The following WAC variants were observed in gnomAD, a reference collection of about 807,000 sequenced individuals.
WAC encodes WW domain containing adaptor with coiled-coil, also known as WW domain-containing adapter protein with coiled-coil.
In WAC, 11 loss-of-function variants were observed where a neutral mutation model predicts 79.6. That is an observed-to-expected ratio of 0.14 (90% CI 0.09 to 0.23). WAC has a LOEUF of 0.23. Ranked by LOEUF, WAC falls within the 10% of genes least tolerant of loss-of-function variation. WAC has a pLI of 1.00. For synonymous variants in WAC, 304 were observed against 276.9 expected, an observed-to-expected ratio of 1.10 and a Z score of -0.97; for missense variants, 728 against 773.5, an observed-to-expected ratio of 0.94 and a Z score of 0.70.
At chr10:28,593,450 T>A (rs921434795) in intron 6 of WAC, among the ~76,000 whole-genome samples, 8 of 152,234 alleles carry the variant, frequency 5.3e-5, no homozygotes, top group African/African-American at 1.9e-4. Flanking sequence ...TTGCAATATA[T>A]TAAGTGTTTG....
intron 3 of WAC, among the ~76,000 whole-genome samples, chr10:28,551,341 A>G (rs1173893499): frequency 2.6e-5 from 4 of 152,050 alleles, no homozygotes; most frequent in African/African-American, 7.2e-5. Flanking sequence ...TGTATCAGGG[A>G]AAAAAAAGAA....
intron 3 of WAC, among the ~76,000 whole-genome samples, chr10:28,578,993 A>G (rs557482502): frequency 2.6e-5 from 4 of 152,230 alleles, no homozygotes; most frequent in South Asian, 2.1e-4. Flanking sequence ...TAGAGCCCCT[A>G]TATCTGTCCT....
chr10:28,584,579 A>G (rs1564401295), intron 4 of WAC, among the ~76,000 whole-genome samples: 1 of 152,172 alleles, frequency 6.6e-6, no homozygotes, highest in East Asian at 1.9e-4. Flanking sequence ...AAATATAGGA[A>G]AGAATGAACA....
At chr10:28,611,162 C>G in intron 9 of WAC, 1 of 821,630 alleles carries the variant, frequency 1.2e-6, no homozygotes, top group Non-Finnish European at 1.7e-6. Context: ...TGAAACATTG[C>G]ATGTATTTGA....
intron 9 of WAC, 191 bp from the exon 10 acceptor site, chr10:28,611,583 C>A: frequency 2.4e-6 from 3 of 1,251,908 alleles, no homozygotes; most frequent in Non-Finnish European, 3.2e-6. Context: ...TCTGAACACA[C>A]AGCTCACTTA....
intron 3 of WAC, among the ~76,000 whole-genome samples, chr10:28,560,017 G>T (rs913155455): frequency 2.0e-5 from 3 of 152,118 alleles, no homozygotes; most frequent in Non-Finnish European, 4.4e-5. Flanking sequence ...AATTTTGAAA[G>T]AATCAACTGA....
At chr10:28,602,507 A>G (rs115061170) in intron 7 of WAC, among the ~76,000 whole-genome samples, 2,913 of 152,270 alleles carry the variant, frequency 0.019, 102 homozygotes, top group African/African-American at 0.067. Context: ...CACTATTACA[A>G]AATAGATAAA....
intron 7 of WAC, among the ~76,000 whole-genome samples, chr10:28,605,211 T>C (rs978189399): frequency 6.6e-6 from 1 of 152,236 alleles, no homozygotes; most frequent in Non-Finnish European, 1.5e-5. Flanking sequence ...AATTTTGCTT[T>C]ATGTTTTTCT....
intron 3 of WAC, chr10:28,535,981 G>C (rs1836644594): frequency 3.0e-6 from 1 of 330,150 alleles, no homozygotes; most frequent in South Asian, 6.2e-5. Flanking sequence ...GGTGGCTCAC[G>C]CCTGTAATCT....
intron 10 of WAC, 39 bp from the exon 11 acceptor site, chr10:28,614,528 T>C (rs749333389): frequency 1.3e-5 from 20 of 1,499,514 alleles, no homozygotes; most frequent in Non-Finnish European, 6.5e-6. Flanking sequence ...AGATGTGGAT[T>C]AGATTTGGAG....
At chr10:28,599,084 CAT>C (rs1234474057) in intron 7 of WAC, among the ~76,000 whole-genome samples, 2 of 141,972 alleles carry the variant, frequency 1.4e-5, no homozygotes, top group Non-Finnish European at 3.2e-5. Context: ...GTCCATTTGA[CAT>C]ATTTTTTTTC....
rs1841665457 is a variant in WAC at position 28,620,980 on chromosome 10, C to G, written c.*1374C>G. ...AAGTATATTAAAATAAAAAAAGAAA[C>G]TATTGCTACTATAAAATTACCTTGA... is the stretch of plus-strand genomic sequence containing the variant. On this transcript the variant is annotated 3_prime_UTR_variant, in exon 14 of 14. Coordinates refer to ENST00000354911, the MANE Select transcript of WAC (RefSeq NM_016628.5). 6.6e-6 allele frequency: 1 copy of G among 152,052 alleles called. No homozygotes were observed. Among genetic ancestry groups the G allele is most frequent in the Non-Finnish European group, 1.5e-5 (1 of 68,014 alleles). The allele number at this position is 152,052 out of a possible 1,614,324, so 9.4% of individuals were successfully genotyped here. A position where few individuals can be genotyped will look rare whatever the true frequency, so the allele number is the denominator to read the frequency against.
intron 6 of WAC, among the ~76,000 whole-genome samples, chr10:28,593,490 A>G (rs985880731): frequency 3.9e-5 from 6 of 152,160 alleles, no homozygotes; most frequent in Non-Finnish European, 7.4e-5. Flanking sequence ...AACAAAGGCC[A>G]GGCACGGTGG....
intron 7 of WAC, among the ~76,000 whole-genome samples, chr10:28,597,691 T>G (rs1207858981): frequency 2.6e-5 from 4 of 152,198 alleles, no homozygotes; most frequent in African/African-American, 9.7e-5. Flanking sequence ...TCTTAGTATT[T>G]GTTACGTATC....
intron 7 of WAC, among the ~76,000 whole-genome samples, chr10:28,597,885 T>C (rs180812930): frequency 6.6e-6 from 1 of 152,352 alleles, no homozygotes; most frequent in Non-Finnish European, 1.5e-5. Context: ...TCTCTCTGTT[T>C]TAATTGTAAA....
At chr10:28,576,781 C>T (rs914683130) in intron 3 of WAC, among the ~76,000 whole-genome samples, 1 of 152,210 alleles carries the variant, frequency 6.6e-6, no homozygotes, top group Non-Finnish European at 1.5e-5. Flanking sequence ...GAGAGCAATG[C>T]TGTCCAGTGA....
chr10:28,572,127 A>G (rs943728799), intron 3 of WAC, among the ~76,000 whole-genome samples: 2 of 151,834 alleles, frequency 1.3e-5, no homozygotes, highest in African/African-American at 4.8e-5. Context: ...TCACGAGGTT[A>G]GGAGTTCAAG....
intron 3 of WAC, among the ~76,000 whole-genome samples, chr10:28,578,094 G>A (rs1839339373): frequency 6.6e-6 from 1 of 152,200 alleles, no homozygotes; most frequent in African/African-American, 2.4e-5. Flanking sequence ...GGGAGGCAGA[G>A]GTTGCAGTGA....
intron 3 of WAC, among the ~76,000 whole-genome samples, chr10:28,567,834 A>G (rs1018860486): frequency 6.6e-6 from 1 of 152,012 alleles, no homozygotes; most frequent in Admixed American, 6.6e-5. Context: ...GGCTCACTGC[A>G]GCCTTGACCT....
Sources: gnomAD v4.1 joint callset for allele counts (sites outside exome capture counted in the v4.1 genomes callset) on GRCh38, gnomAD v4.1.1 for gene constraint, MANE v1.5 for transcripts, NCBI Gene and HGNC (gene_info 2026-07-23, HGNC 2026-07-21) for gene names.